Variants in MB21D2 observed in about 807,000 individuals in gnomAD.
The protein encoded by MB21D2 is Mab-21 domain containing 2.
A neutral mutation model predicts 33.3 loss-of-function variants in MB21D2; 9 were observed. That is an observed-to-expected ratio of 0.27 (90% confidence interval 0.16 to 0.47). The LOEUF is 0.47. Ranked by LOEUF, MB21D2 falls within the 20% of genes least tolerant of loss-of-function variation. The pLI, the probability that MB21D2 is intolerant of heterozygous loss-of-function variation, is 0.99. For missense variants in MB21D2, 540 were observed against 624.6 expected (o/e 0.86, Z 1.44); for synonymous variants, 241 against 236.3 (o/e 1.02, Z -0.18).
At chr3:192,868,990 G>T (rs1713229054) in intron 1 of MB21D2, among the ~76,000 whole-genome samples, 1 of 152,172 alleles carries the variant, frequency 6.6e-6, no homozygotes, top group South Asian at 2.1e-4. Flanking sequence ...GTTGTTAAAA[G>T]AAATATACAG....
At chr3:192,814,457 A>G (rs1383023256) in intron 1 of MB21D2, among the ~76,000 whole-genome samples, 3 of 152,222 alleles carry the variant, frequency 2.0e-5, no homozygotes, top group African/African-American at 7.2e-5. Flanking sequence ...TCAGACTTGA[A>G]ATAACCAGCC....
chr3:192,913,957 T>C (rs902386638), intron 1 of MB21D2, among the ~76,000 whole-genome samples: 5 of 152,164 alleles, frequency 3.3e-5, no homozygotes. Context: ...AAATAGGAGA[T>C]CTTATTATAG....
intron 1 of MB21D2, among the ~76,000 whole-genome samples, chr3:192,892,795 T>G: frequency 6.6e-6 from 1 of 152,212 alleles, no homozygotes; most frequent in South Asian, 2.1e-4. Flanking sequence ...GCTAATATTA[T>G]AGCAACTGAA....
intron 1 of MB21D2, among the ~76,000 whole-genome samples, chr3:192,857,782 G>A (rs1461551578): frequency 1.3e-5 from 2 of 152,128 alleles, no homozygotes; most frequent in Middle Eastern, 3.2e-3. Flanking sequence ...CATGCTGCAC[G>A]AGGAATTCAG....
rs73064236 is a variant in MB21D2 at position 192,881,787 on chromosome 3, G to T, written c.211+35843C>A. 1.4e-3 allele frequency among the ~76,000 whole-genome samples: 216 copies of T among 152,238 alleles called. 2 individuals are homozygous for T. Among genetic ancestry groups the T allele is most frequent in the African/African-American group, 5.0e-3 (207 of 41,480 alleles). On this transcript the variant is annotated intron_variant, in intron 1 of 1. Transcript: ENST00000392452. The stretch of plus-strand genomic sequence containing the variant: ...GCTAACACAAAATTCCTGTGAAATT[G>T]TATCACTAGGGAGCTATAAATGCCA...
At chr3:192,900,572 T>C (rs1318168353) in intron 1 of MB21D2, among the ~76,000 whole-genome samples, 3 of 152,162 alleles carry the variant, frequency 2.0e-5, no homozygotes, top group Non-Finnish European at 2.9e-5. Flanking sequence ...TCTTTTTTTT[T>C]TCTTTGCCCA....
At chr3:192,837,293 T>C (rs1712462130) in intron 1 of MB21D2, among the ~76,000 whole-genome samples, 1 of 152,108 alleles carries the variant, frequency 6.6e-6, no homozygotes, top group Non-Finnish European at 1.5e-5. Flanking sequence ...TGGAGAGACA[T>C]TCCCACATAA....
chr3:192,885,077 T>C (rs960354244), intron 1 of MB21D2, among the ~76,000 whole-genome samples: 1 of 151,976 alleles, frequency 6.6e-6, no homozygotes, highest in African/African-American at 2.4e-5. Flanking sequence ...AGGACAAAAA[T>C]TGGTTCTGTG....
At chr3:192,845,180 T>C (rs1038078514) in intron 1 of MB21D2, among the ~76,000 whole-genome samples, 3 of 152,224 alleles carry the variant, frequency 2.0e-5, no homozygotes, top group Admixed American at 6.5e-5. Flanking sequence ...AGAAGGATTA[T>C]AGGGTGACTG....
intron 1 of MB21D2, among the ~76,000 whole-genome samples, chr3:192,863,459 G>A (rs951470936): frequency 6.6e-6 from 1 of 152,194 alleles, no homozygotes; most frequent in South Asian, 2.1e-4. Context: ...ATTAATTCTT[G>A]AATCAAAAGG....
chr3:192,879,089 C>T (rs776319419), intron 1 of MB21D2, among the ~76,000 whole-genome samples: 1 of 152,198 alleles, frequency 6.6e-6, no homozygotes, highest in Non-Finnish European at 1.5e-5. Flanking sequence ...CTTCTGCAGG[C>T]CTTCCCTATC....
At chr3:192,802,706 C>CCA (rs1711584444) in intron 1 of MB21D2, among the ~76,000 whole-genome samples, 1 of 152,248 alleles carries the variant, frequency 6.6e-6, no homozygotes, top group South Asian at 2.1e-4. Flanking sequence ...TTGTGAAAAT[C>CCA]ATTTTCATTA....
In MB21D2 at chr3:192,811,773, G is replaced by A. The variant is rs182435150; in HGVS notation, c.212-12123C>T. On this transcript the variant is annotated intron_variant, in intron 1 of 1. Coordinates refer to ENST00000392452, the MANE Select transcript of MB21D2 (RefSeq NM_178496.4). ...CTTAAATTCCAAAGAGAACAATGGGGATTAAGGTTGGGGAGGGTGGATTAA... is the reference window on the plus strand; with the variant it reads ...CTTAAATTCCAAAGAGAACAATGGGAATTAAGGTTGGGGAGGGTGGATTAA... Among the ~76,000 whole-genome samples the A allele has an allele frequency of 1.5e-3, 227 of 152,172 alleles. 1 individual carries two copies. The highest frequency in any genetic ancestry group is 4.2e-3 in the African/African-American group (173 of 41,506).
chr3:192,846,918 A>G (rs920187913), intron 1 of MB21D2, among the ~76,000 whole-genome samples: 3 of 152,206 alleles, frequency 2.0e-5, no homozygotes, highest in Non-Finnish European at 4.4e-5. Context: ...TCATCCCTGC[A>G]AACATCTTGA....
intron 1 of MB21D2, among the ~76,000 whole-genome samples, chr3:192,867,315 A>C (rs181911310): frequency 2.2e-4 from 34 of 152,308 alleles, no homozygotes; most frequent in Admixed American, 6.5e-4. Flanking sequence ...AAAGGGTCCC[A>C]GCAGAGTCAT....
Position 192,806,855 on chromosome 3 carries a change from C to T in MB21D2, c.212-7205G>A, listed in dbSNP as rs138356952. On this transcript the variant is annotated intron_variant, in intron 1 of 1. Coordinates refer to ENST00000392452, the MANE Select transcript of MB21D2 (RefSeq NM_178496.4). ...AATTGGTGGGCTTTGTCAAAGTCTA[C>T]TAAGCTATTTTAAACAGAATGAACA... is the stretch of plus-strand genomic sequence containing the variant. 3.5e-3 allele frequency among the ~76,000 whole-genome samples: 528 copies of T among 152,260 alleles called. 1 individual carries two copies. The highest frequency in any genetic ancestry group is 0.012 in the African/African-American group (501 of 41,548).
intron 1 of MB21D2, among the ~76,000 whole-genome samples, chr3:192,857,185 G>A (rs1464452480): frequency 1.3e-5 from 2 of 152,204 alleles, no homozygotes; most frequent in Non-Finnish European, 2.9e-5. Flanking sequence ...AACAGGCCCT[G>A]CAAAATAATT....
intron 1 of MB21D2, among the ~76,000 whole-genome samples, chr3:192,824,681 T>C (rs1309724749): frequency 6.6e-6 from 1 of 152,192 alleles, no homozygotes; most frequent in East Asian, 1.9e-4. Context: ...AAGCAGGCAA[T>C]TATAAAATAT....
In MB21D2 at chr3:192,797,632, T is replaced by A. The variant is rs1487034765; in HGVS notation, c.*754A>T. 6.6e-6 allele frequency: 1 copy of A among 152,644 alleles called. No individual in the cohort carries two copies. Among genetic ancestry groups the A allele is most frequent in the Non-Finnish European group, 1.5e-5 (1 of 68,044 alleles). The allele number at this position is 152,644 out of a possible 1,614,324, so 9.5% of individuals were successfully genotyped here. On this transcript the variant is annotated 3_prime_UTR_variant, in exon 2 of 2. Coordinates refer to ENST00000392452, the MANE Select transcript of MB21D2 (RefSeq NM_178496.4). ...CAATGGCAAAGATTAGTGCAAATAA[T>A]AATTATAATGGTATGTTCTTTAATA...
Sources: allele counts gnomAD v4.1 joint callset (sites outside exome capture counted in the v4.1 genomes callset), GRCh38; gene constraint gnomAD v4.1.1; transcripts MANE v1.5; gene names NCBI Gene and HGNC (gene_info 2026-07-23, HGNC 2026-07-21).